The following CDKL3 variants were observed in gnomAD, a reference collection of about 807,000 sequenced individuals.
The protein encoded by CDKL3 is cyclin dependent kinase like 3.
CDKL3 carries 65 observed loss-of-function variants against 69.3 expected under a neutral mutation model. The observed-to-expected ratio is 0.94, with a 90% CI of 0.77 to 1.15. The LOEUF is 1.15. Among genes scored for constraint, CDKL3 ranks in the 50% most tolerant of loss-of-function variants. CDKL3 has a pLI of 0.00. For synonymous variants in CDKL3, 202 were observed against 221.6 expected (o/e 0.91, Z 0.79); for missense variants, 652 against 689.2 (o/e 0.95, Z 0.61).
At chr5:134,290,353 CAAAAAAAAAAA>C (rs1212709645) in intron 8 of CDKL3, among the ~76,000 whole-genome samples, 2 of 24,792 alleles carry the variant, frequency 8.1e-5, no homozygotes, top group African/African-American at 2.9e-4. Context: ...GACTCTGTCT[CAAAAAAAAAAA>C]AAAAAAAAAA....
intron 4 of CDKL3, among the ~76,000 whole-genome samples, chr5:134,347,654 G>A (rs571483269): frequency 1.2e-4 from 16 of 136,610 alleles, no homozygotes; most frequent in African/African-American, 1.9e-4. Flanking sequence ...CAGATCACTT[G>A]AGGTAGGGAG....
At chr5:134,336,012 GT>G (rs1412851963) in intron 4 of CDKL3, among the ~76,000 whole-genome samples, 1 of 152,122 alleles carries the variant, frequency 6.6e-6, no homozygotes, top group African/African-American at 2.4e-5. Context: ...TGGAGGCTTT[GT>G]TCGTTTCTTT....
At chr5:134,305,518 A>C (rs1767577817) in intron 10 of CDKL3, among the ~76,000 whole-genome samples, 1 of 152,216 alleles carries the variant, frequency 6.6e-6, no homozygotes, top group Non-Finnish European at 1.5e-5. Context: ...TCTACCTAGA[A>C]AATGATATGC....
Position 134,367,092 on chromosome 5 carries a change from CTGA to C in CDKL3, c.-140_-138del, listed in dbSNP as rs894652742. Reference sequence around the variant, plus strand: ...GTAGTTCCAGTGGAGCCACCGAACACTGATACTACTTTGTTGCTCAGCCCCGCA... The same window carrying C: ...GTAGTTCCAGTGGAGCCACCGAACACTACTACTTTGTTGCTCAGCCCCGCA... On this transcript the variant is annotated 5_prime_UTR_variant, in exon 1 of 13. Coordinates refer to ENST00000265334, the MANE Select transcript of CDKL3 (RefSeq NM_001113575.2). The C allele has an allele frequency of 2.1e-5, 21 of 986,430 alleles. No individual in the cohort carries two copies. The African/African-American group carries it at 3.1e-4, about 15-fold the overall frequency. 61.1% of individuals were successfully genotyped at this position (986,430 alleles called of 1,614,324 possible). A position where few individuals can be genotyped will look rare whatever the true frequency, so the allele number is the denominator to read the frequency against.
chr5:134,313,606 T>TGTTTATTTCAAAATGCATATTTAAA (rs1243043231), intron 6 of CDKL3, among the ~76,000 whole-genome samples: 13 of 152,144 alleles, frequency 8.5e-5, no homozygotes, highest in African/African-American at 2.7e-4. Context: ...ATTATGTTTC[T>TGTTTATTTCAAAATGCATATTTAAA]GTTTATTTCA....
intron 3 of CDKL3, among the ~76,000 whole-genome samples, chr5:134,357,287 T>C (rs1029432606): frequency 3.3e-5 from 5 of 151,784 alleles, no homozygotes; most frequent in African/African-American, 1.2e-4. Context: ...CTACTAAAAA[T>C]ACAAAAATTA....
chr5:134,317,541 T>C (rs1443835432), intron 6 of CDKL3, among the ~76,000 whole-genome samples: 1 of 152,112 alleles, frequency 6.6e-6, no homozygotes, highest in Non-Finnish European at 1.5e-5. Context: ...GAAGGATCAC[T>C]AGAGGATAGG....
chr5:134,303,804 G>C (rs1767013415), intron 11 of CDKL3, among the ~76,000 whole-genome samples: 1 of 151,902 alleles, frequency 6.6e-6, no homozygotes, highest in Admixed American at 6.6e-5. Flanking sequence ...AGCTGAGATT[G>C]CAACACTGCA....
intron 6 of CDKL3, among the ~76,000 whole-genome samples, chr5:134,317,624 A>G (rs1771511519): frequency 6.6e-6 from 1 of 151,760 alleles, no homozygotes; most frequent in South Asian, 2.1e-4. Flanking sequence ...ACTGTAAAAA[A>G]TAATTAATTT....
At chr5:134,359,267 C>T in intron 3 of CDKL3, among the ~76,000 whole-genome samples, 1 of 152,044 alleles carries the variant, frequency 6.6e-6, no homozygotes, top group East Asian at 1.9e-4. Context: ...CATTGTACTC[C>T]AGCCTGGGCA....
At chr5:134,352,569 G>A (rs1581187117) in intron 3 of CDKL3, among the ~76,000 whole-genome samples, 1 of 151,968 alleles carries the variant, frequency 6.6e-6, no homozygotes, top group South Asian at 2.1e-4. Flanking sequence ...CCAAAATGCT[G>A]GGATTACATG....
intron 6 of CDKL3, among the ~76,000 whole-genome samples, chr5:134,313,548 G>A (rs1770157816): frequency 6.6e-6 from 1 of 152,032 alleles, no homozygotes; most frequent in Admixed American, 6.6e-5. Flanking sequence ...CTCATAAGTA[G>A]AGGAGCCACA....
chr5:134,369,336 T>C (rs186834863), upstream of CDKL3, among the ~76,000 whole-genome samples: 101 of 152,296 alleles, frequency 6.6e-4, no homozygotes, highest in Non-Finnish European at 1.1e-3. Context: ...CTTACCTCTA[T>C]TGCCTCCAGT....
At chr5:134,316,901 C>T (rs1771234783) in intron 6 of CDKL3, among the ~76,000 whole-genome samples, 1 of 151,822 alleles carries the variant, frequency 6.6e-6, no homozygotes, top group Non-Finnish European at 1.5e-5. Context: ...GTTTGTAAAC[C>T]AAATTGATAA....
intron 7 of CDKL3, among the ~76,000 whole-genome samples, chr5:134,311,117 G>A (rs1238058571): frequency 1.3e-5 from 2 of 152,136 alleles, no homozygotes; most frequent in East Asian, 1.9e-4. Flanking sequence ...ATTATATGCT[G>A]GGCATGTCAT....
chr5:134,327,263 C>A (rs1259518625), intron 4 of CDKL3, among the ~76,000 whole-genome samples: 1 of 152,126 alleles, frequency 6.6e-6, no homozygotes, highest in Non-Finnish European at 1.5e-5. Flanking sequence ...ACTTGCCTCA[C>A]CCATAAGGCA....
intron 2 of CDKL3, among the ~76,000 whole-genome samples, chr5:134,363,694 C>A (rs1483580734): frequency 6.6e-6 from 1 of 151,992 alleles, no homozygotes; most frequent in Non-Finnish European, 1.5e-5. Context: ...CTCCTGAGCT[C>A]AGGCAATCCG....
chr5:134,287,060 A>T (rs1764900998), intron 8 of CDKL3, among the ~76,000 whole-genome samples: 1 of 152,170 alleles, frequency 6.6e-6, no homozygotes, highest in East Asian at 1.9e-4. Flanking sequence ...AGGCCTTAAG[A>T]ACTGCCAGGG....
chr5:134,333,846 C>T (rs1011362237), intron 4 of CDKL3, among the ~76,000 whole-genome samples: 15 of 152,062 alleles, frequency 9.9e-5, no homozygotes, highest in Admixed American at 2.0e-4. Flanking sequence ...GGGAGGAGTC[C>T]CTCTTTTTCT....
Sources: gnomAD v4.1 joint callset for allele counts (sites outside exome capture counted in the v4.1 genomes callset) on GRCh38, gnomAD v4.1.1 for gene constraint, MANE v1.5 for transcripts, NCBI Gene and HGNC (gene_info 2026-07-23, HGNC 2026-07-21) for gene names.